Variants in MYH7B observed in about 807,000 individuals in gnomAD.
The protein encoded by MYH7B is myosin heavy chain 7B, also known as myosin-7B.
In MYH7B, 205 loss-of-function variants were observed where a neutral mutation model predicts 234.5. That is an observed-to-expected ratio of 0.87 (90% CI 0.78 to 0.98). MYH7B has a LOEUF of 0.98. MYH7B is among the 50% of genes least tolerant of loss of function. MYH7B has a pLI of 0.00. For synonymous variants in MYH7B, 1,193 were observed against 1,105.0 expected (o/e 1.08, Z -1.58); for missense variants, 2,652 against 2,633.4 (o/e 1.01, Z -0.15).
intron 3 of MYH7B, among the ~76,000 whole-genome samples, chr20:34,977,049 CTACCCCT>C (rs2081864147): frequency 6.6e-5 from 3 of 45,756 alleles, no homozygotes; most frequent in Non-Finnish European, 9.5e-5. Flanking sequence ...CCCTCTCCCC[CTACCCCT>C]CCCCCCTCTC....
chr20:34,983,252 T>A (rs1046458264), intron 10 of MYH7B, among the ~76,000 whole-genome samples: 2 of 151,560 alleles, frequency 1.3e-5, no homozygotes, highest in Admixed American at 6.6e-5. Context: ...CTGTTTTCTT[T>A]CTTTCTTTCT....
At chr20:34,997,607 G>GACT in exon 32 of MYH7B, 3 of 1,613,642 alleles carry the variant, frequency 1.9e-6, no homozygotes, top group Non-Finnish European at 2.5e-6. Flanking sequence ...TGGACGACCT[G>GACT]GCTGCCAACG....
At chr20:34,997,581 G>C in exon 32 of MYH7B, 1 of 1,613,424 alleles carries the variant, frequency 6.2e-7, no homozygotes, top group Non-Finnish European at 8.5e-7. Flanking sequence ...GGAGAAGAGT[G>C]AGCTGCGCAT....
chr20:34,987,768 G>A (rs1249256118), exon 18 of MYH7B: 1 of 1,614,206 alleles, frequency 6.2e-7, no homozygotes, highest in Admixed American at 1.7e-5. Context: ...CCTCCAGGTG[G>A]TGTTTGCTGT....
chr20:34,993,074 C>A (rs780133484), intron 24 of MYH7B, 28 bp from the exon 25 acceptor site: 2 of 1,602,300 alleles, frequency 1.2e-6, no homozygotes, highest in Non-Finnish European at 1.7e-6. Flanking sequence ...CCAGCCCTCT[C>A]CTGACCAGCT....
intron 1 of MYH7B, among the ~76,000 whole-genome samples, chr20:34,956,251 AT>A (rs897430370): frequency 1.8e-4 from 27 of 151,388 alleles, no homozygotes; most frequent in African/African-American, 6.1e-4. Context: ...GATTTTATCT[AT>A]TTTTTTTTAA....
chr20:34,956,686 T>C (rs1364716866), intron 1 of MYH7B, among the ~76,000 whole-genome samples: 1 of 151,898 alleles, frequency 6.6e-6, no homozygotes, highest in Non-Finnish European at 1.5e-5. Context: ...GATAGGAAGG[T>C]ATAGGTAGTG....
exon 36 of MYH7B, chr20:34,999,321 A>G (rs913072222): frequency 3.2e-6 from 5 of 1,574,560 alleles, no homozygotes; most frequent in South Asian, 1.2e-5. Flanking sequence ...TGGCCTGGGC[A>G]CCGAGCTCTT....
chr20:34,995,969 G>C (rs1396411449), intron 28 of MYH7B, among the ~76,000 whole-genome samples: 3 of 152,224 alleles, frequency 2.0e-5, no homozygotes, highest in Non-Finnish European at 2.9e-5. Context: ...CCCAGTGCTG[G>C]AGGAGGGACT....
rs371343813 is a variant in MYH7B, at chr20:34,997,300, G to A, written c.3407G>A (p.Arg1136Gln). Reference sequence around the variant, plus strand: ...GAGCTGGAGGCAGAGCGGGCAGCCCGGGCCCGCGTGGAGAAGCAGCGTGCA... The same window carrying A: ...GAGCTGGAGGCAGAGCGGGCAGCCCAGGCCCGCGTGGAGAAGCAGCGTGCA... Residue 1136 changes from arginine to glutamine, a missense_variant, in exon 32 of 45, where the codon CGG (arginine) becomes CAG (glutamine). Arg to Gln is a conservative substitution (Grantham distance 43). Transcript: ENST00000262873. 1.3e-5 allele frequency: 20 copies of A among 1,553,724 alleles called. No individual in the cohort carries two copies. The African/African-American group carries it at 1.6e-4, about 13-fold the overall frequency.
exon 40 of MYH7B, chr20:35,000,858 G>A: frequency 6.2e-7 from 1 of 1,613,672 alleles, no homozygotes; most frequent in South Asian, 1.1e-5. Flanking sequence ...GGAGAGGCGG[G>A]AGGCTGAGGA....
chr20:34,970,800 C>G (rs1164604873), intron 2 of MYH7B, among the ~76,000 whole-genome samples: 1 of 152,172 alleles, frequency 6.6e-6, no homozygotes, highest in Non-Finnish European at 1.5e-5. Flanking sequence ...GACAGAAATA[C>G]AGAGTCTTGG....
At chr20:34,997,955 G>A (rs1386110542) in intron 32 of MYH7B, among the ~76,000 whole-genome samples, 1 of 152,018 alleles carries the variant, frequency 6.6e-6, no homozygotes, top group Non-Finnish European at 1.5e-5. Context: ...CTCTCTTCCT[G>A]TCCTGAACCC....
chr20:34,986,780 A>C (rs1246168298), intron 14 of MYH7B, 106 bp from the exon 15 acceptor site: 7 of 864,342 alleles, frequency 8.1e-6, no homozygotes, highest in Non-Finnish European at 1.3e-5. Flanking sequence ...AGGGCCCTAG[A>C]CTCCTGCTGG....
At chr20:34,990,455 C>G (rs772652105) in intron 22 of MYH7B, 145 bp downstream of exon 22, 27 of 969,888 alleles carry the variant, frequency 2.8e-5, no homozygotes, top group Non-Finnish European at 3.7e-5. Flanking sequence ...AACATCACAG[C>G]AAGTCTGTGC....
rs756109297 is a variant in MYH7B at position 34,999,293 on chromosome 20, G to A, written c.4428G>A (p.Ala1476=). The A allele has an allele frequency of 3.9e-5, 62 of 1,588,272 alleles. No homozygotes were observed. The East Asian group carries it at 7.3e-4, about 19-fold the overall frequency. ...AGGAGATGCAGCGGGAGCTGGAGGC[G>A]GCACAGAGGGAGTCCCGTGGCCTGG... The change falls in exon 36 of 45, where the codon GCG becomes GCA. Residue 1476 remains alanine, a synonymous_variant. Transcript: ENST00000262873.
chr20:34,985,189 T>A, intron 13 of MYH7B, 60 bp downstream of exon 13: 1 of 1,523,300 alleles, frequency 6.6e-7, no homozygotes, highest in Non-Finnish European at 9.1e-7. Context: ...TCACCCCAAC[T>A]CGGCCTCTGT....
At chr20:34,983,908 C>T (rs2081977679) in intron 10 of MYH7B, among the ~76,000 whole-genome samples, 1 of 152,174 alleles carries the variant, frequency 6.6e-6, no homozygotes, top group African/African-American at 2.4e-5. Context: ...CTCCCAGCAT[C>T]CGGAGTAGGG....
chr20:34,999,068 A>G (rs2082317314), exon 36 of MYH7B: 2 of 1,609,842 alleles, frequency 1.2e-6, no homozygotes, highest in Non-Finnish European at 1.7e-6. Context: ...AAAAGCTGGC[A>G]CTGCGGCTGC....
Sources: gnomAD v4.1 joint callset for allele counts (sites outside exome capture counted in the v4.1 genomes callset) on GRCh38, gnomAD v4.1.1 for gene constraint, MANE v1.5 for transcripts, NCBI Gene and HGNC (gene_info 2026-07-23, HGNC 2026-07-21) for gene names.